The following CNTN1 variants were observed in gnomAD, a reference collection of about 807,000 sequenced individuals.
CNTN1 encodes contactin-1.
CNTN1 carries 38 observed loss-of-function variants against 126.4 expected under a neutral mutation model. The observed-to-expected ratio is 0.30, with a 90% CI of 0.23 to 0.39. The LOEUF is 0.39. Ranked by LOEUF, CNTN1 falls within the 10% of genes least tolerant of loss-of-function variation. The probability of loss-of-function intolerance (pLI) is 1.00; values close to 1 mark genes in which losing one functional copy is unlikely to be tolerated. For synonymous variants in CNTN1, 413 were observed against 422.6 expected (o/e 0.98, Z 0.28); for missense variants, 1,009 against 1,248.4 (o/e 0.81, Z 2.89).
intron 23 of CNTN1, among the ~76,000 whole-genome samples, chr12:41,041,237 A>G (rs559107867): frequency 0.016 from 2,413 of 152,188 alleles, 63 homozygotes; most frequent in African/African-American, 0.054. Context: ...GCATATATTG[A>G]ACCAGCCTTG....
chr12:40,822,148 C>CTTTTTTTTTTTTTTTTTTTTT lies in CNTN1; in HGVS notation c.-76-86205_-76-86185dup, dbSNP rs777953120. ...TTTCCAGTCTAGACAAAATATAAAT[C>CTTTTTTTTTTTTTTTTTTTTT]TTTTTTTTTTTTTTTTTTTTTTTTG... On this transcript the variant is annotated intron_variant, in intron 1 of 23. Transcript: ENST00000551295. Among the ~76,000 whole-genome samples the CTTTTTTTTTTTTTTTTTTTTT allele has an allele frequency of 6.9e-3, 328 of 47,234 alleles. 42 individuals are homozygous for CTTTTTTTTTTTTTTTTTTTTT. Among genetic ancestry groups the CTTTTTTTTTTTTTTTTTTTTT allele is most frequent in the East Asian group, 0.019 (20 of 1,064 alleles). 31.0% of individuals were successfully genotyped at this position (47,234 alleles called of 152,430 possible).
At chr12:40,759,144 T>C (rs759525268) in intron 1 of CNTN1, among the ~76,000 whole-genome samples, 6 of 152,162 alleles carry the variant, frequency 3.9e-5, no homozygotes, top group Non-Finnish European at 5.9e-5. Flanking sequence ...CCTTAAGTGA[T>C]CCATTTGCCT....
chr12:40,986,990 T>A (rs1592365631), intron 16 of CNTN1, among the ~76,000 whole-genome samples: 1 of 152,218 alleles, frequency 6.6e-6, no homozygotes. Context: ...CTACCAATGA[T>A]GAATTTTAGT....
intron 1 of CNTN1, among the ~76,000 whole-genome samples, chr12:40,886,437 A>G (rs886741419): frequency 6.6e-6 from 1 of 152,108 alleles, no homozygotes; most frequent in African/African-American, 2.4e-5. Context: ...GTAAAAGTTA[A>G]GAGTCTTTTA....
intron 1 of CNTN1, among the ~76,000 whole-genome samples, chr12:40,699,466 C>T (rs1050314933): frequency 5.3e-5 from 8 of 151,846 alleles, no homozygotes; most frequent in African/African-American, 1.7e-4. Context: ...ATGCCTAGGA[C>T]AGCCAATAAT....
At chr12:40,719,660 A>G (rs1207621115) in intron 1 of CNTN1, among the ~76,000 whole-genome samples, 1 of 152,236 alleles carries the variant, frequency 6.6e-6, no homozygotes, top group African/African-American at 2.4e-5. Context: ...TTTGCTTAGT[A>G]TATTCTTGCA....
intron 1 of CNTN1, among the ~76,000 whole-genome samples, chr12:40,856,306 G>T (rs978583841): frequency 6.6e-6 from 1 of 152,044 alleles, no homozygotes; most frequent in African/African-American, 2.4e-5. Context: ...ACATTAGAAA[G>T]AAAGAGAAAT....
At chr12:40,932,662 A>C (rs1430412145) in intron 7 of CNTN1, among the ~76,000 whole-genome samples, 1 of 151,942 alleles carries the variant, frequency 6.6e-6, no homozygotes, top group Non-Finnish European at 1.5e-5. Flanking sequence ...CTCAAGCTAA[A>C]CTGGTCCAAT....
At chr12:40,698,195 T>G in intron 1 of CNTN1, among the ~76,000 whole-genome samples, 1 of 151,472 alleles carries the variant, frequency 6.6e-6, no homozygotes, top group Non-Finnish European at 1.5e-5. Flanking sequence ...GCTCAGTCAG[T>G]TACTAGCAGC....
intron 23 of CNTN1, 139 bp downstream of exon 23, chr12:41,029,358 G>A: frequency 1.0e-6 from 1 of 955,432 alleles, no homozygotes; most frequent in Non-Finnish European, 1.7e-6. Flanking sequence ...AGGATTCCCT[G>A]AAACTTGGTA....
intron 1 of CNTN1, among the ~76,000 whole-genome samples, chr12:40,888,622 A>C (rs1944137969): frequency 6.6e-6 from 1 of 152,130 alleles, no homozygotes; most frequent in Non-Finnish European, 1.5e-5. Context: ...CAACAACAAA[A>C]AAAGGAAGTA....
intron 1 of CNTN1, among the ~76,000 whole-genome samples, chr12:40,696,871 T>C (rs1245513136): frequency 1.3e-5 from 2 of 152,228 alleles, no homozygotes; most frequent in Admixed American, 1.3e-4. Flanking sequence ...AATCTTCTAG[T>C]CTTATTTCTA....
At chr12:40,905,459 G>A (rs1053306970) in intron 1 of CNTN1, among the ~76,000 whole-genome samples, 4 of 151,936 alleles carry the variant, frequency 2.6e-5, no homozygotes, top group Non-Finnish European at 5.9e-5. Context: ...CCCCTCAATA[G>A]CAACACTGCA....
chr12:41,024,687 A>G (rs1473129705), intron 20 of CNTN1, among the ~76,000 whole-genome samples: 3 of 152,158 alleles, frequency 2.0e-5, no homozygotes, highest in African/African-American at 4.8e-5. Flanking sequence ...TCTAGGCCAC[A>G]TAGTAACTAT....
At chr12:40,938,845 C>T (rs1946168312) in intron 11 of CNTN1, among the ~76,000 whole-genome samples, 2 of 152,094 alleles carry the variant, frequency 1.3e-5, no homozygotes, top group Non-Finnish European at 2.9e-5. Context: ...GGCGATCACG[C>T]TTCACTGCAG....
chr12:40,730,442 T>C lies in CNTN1; in HGVS notation c.-77+37850T>C, dbSNP rs549399877. Reference sequence around the variant, plus strand: ...ACAGTGAGTCAAGTGTGCTGTTAGATTCTGTTTAGTAAACCTGATGGTGAC... The same window carrying C: ...ACAGTGAGTCAAGTGTGCTGTTAGACTCTGTTTAGTAAACCTGATGGTGAC... On this transcript the variant is annotated intron_variant, in intron 1 of 23. Transcript: ENST00000551295. 2.0e-5 allele frequency among the ~76,000 whole-genome samples: 3 copies of C among 152,340 alleles called. No homozygotes were observed. The East Asian group carries it at 5.8e-4, about 29-fold the overall frequency.
At chr12:40,735,215 A>C (rs1316203795) in intron 1 of CNTN1, among the ~76,000 whole-genome samples, 1 of 152,090 alleles carries the variant, frequency 6.6e-6, no homozygotes, top group East Asian at 1.9e-4. Context: ...TCAATAATTA[A>C]AGCTATGTAT....
intron 12 of CNTN1, 89 bp downstream of exon 12, chr12:40,939,574 TG>T (rs1946195140): frequency 6.8e-7 from 1 of 1,474,926 alleles, no homozygotes; most frequent in African/African-American, 1.4e-5. Flanking sequence ...ATAATGAAAA[TG>T]TTTTTTGCTC....
chr12:40,839,874 A>G (rs1218300754), intron 1 of CNTN1, among the ~76,000 whole-genome samples: 1 of 152,122 alleles, frequency 6.6e-6, no homozygotes, highest in Non-Finnish European at 1.5e-5. Flanking sequence ...ATAAAACTCA[A>G]ACAGTGCCAC....
Sources: gnomAD v4.1 joint callset for allele counts (sites outside exome capture counted in the v4.1 genomes callset) on GRCh38, gnomAD v4.1.1 for gene constraint, MANE v1.5 for transcripts, NCBI Gene and HGNC (gene_info 2026-07-23, HGNC 2026-07-21) for gene names.